MEIKIN: variants seen among roughly 807,000 people sequenced by gnomAD.
MEIKIN encodes the protein meiotic kinetochore factor, also known as meiosis-specific kinetochore protein.
At chr5:131,850,603 T>C (rs1350707311) in intron 11 of MEIKIN, among the ~76,000 whole-genome samples, 1 of 152,130 alleles carries the variant, frequency 6.6e-6, no homozygotes, top group East Asian at 1.9e-4. Context: ...CAAATGATGC[T>C]GAGAAAACTG....
intron 11 of MEIKIN, among the ~76,000 whole-genome samples, chr5:131,819,607 T>C (rs1395458254): frequency 6.6e-6 from 1 of 150,586 alleles, no homozygotes; most frequent in South Asian, 2.1e-4. Context: ...CCTTTTTTTT[T>C]TTTTTTTCTT....
rs868023173 is a variant in MEIKIN, at chr5:131,839,004, C to G, written c.975+12260G>C. ...TGTGTTCATTCAGTGCTATAAATTC[C>G]CTCTTAACACTGCCTTAGCCGTGTC... is the stretch of plus-strand genomic sequence containing the variant. On this transcript the variant is annotated intron_variant, in intron 11 of 12. Coordinates refer to ENST00000442687, the MANE Select transcript of MEIKIN (RefSeq NM_001303622.2). Among the ~76,000 whole-genome samples, 14 of 152,170 alleles carry G rather than the reference C, an allele frequency of 9.2e-5. No homozygotes were observed. The South Asian group carries it at 1.2e-3, about 14-fold the overall frequency.
At chr5:131,893,759 T>C (rs1750981893) in intron 8 of MEIKIN, among the ~76,000 whole-genome samples, 1 of 152,192 alleles carries the variant, frequency 6.6e-6, no homozygotes, top group Non-Finnish European at 1.5e-5. Context: ...TTAAGTTCCT[T>C]GCAGATTCAG....
intron 12 of MEIKIN, among the ~76,000 whole-genome samples, chr5:131,818,044 T>C (rs568252305): frequency 6.6e-6 from 1 of 152,330 alleles, no homozygotes; most frequent in South Asian, 2.1e-4. Context: ...ATTGAATTCC[T>C]CTCTACCACT....
chr5:131,824,104 G>C (rs1749567860), intron 11 of MEIKIN, among the ~76,000 whole-genome samples: 2 of 152,200 alleles, frequency 1.3e-5, no homozygotes, highest in Non-Finnish European at 2.9e-5. Flanking sequence ...GGACTAAGCT[G>C]GGTCAGACCT....
chr5:131,934,069 A>T (rs1235856424), intron 4 of MEIKIN, among the ~76,000 whole-genome samples: 1 of 151,922 alleles, frequency 6.6e-6, no homozygotes, highest in Non-Finnish European at 1.5e-5. Flanking sequence ...CTCCTGCCTC[A>T]GCCTCCCGAG....
chr5:131,894,617 C>A (rs1751001265), intron 8 of MEIKIN, among the ~76,000 whole-genome samples: 1 of 152,132 alleles, frequency 6.6e-6, no homozygotes, highest in Admixed American at 6.6e-5. Context: ...TCATTTGCAT[C>A]CCTTGTAAGT....
intron 8 of MEIKIN, among the ~76,000 whole-genome samples, chr5:131,899,632 A>G (rs1751121659): frequency 6.6e-6 from 1 of 152,150 alleles, no homozygotes; most frequent in South Asian, 2.1e-4. Context: ...CTGTAAATAA[A>G]GGGATGCAAA....
At chr5:131,847,733 A>G (rs1750043392) in intron 11 of MEIKIN, among the ~76,000 whole-genome samples, 1 of 152,086 alleles carries the variant, frequency 6.6e-6, no homozygotes, top group South Asian at 2.1e-4. Context: ...ATTCTTCTCA[A>G]GTGCACATGG....
At chr5:131,851,172 T>G (rs1261976379) in intron 11 of MEIKIN, 92 bp downstream of exon 11, 1 of 392,306 alleles carries the variant, frequency 2.5e-6, no homozygotes, top group Admixed American at 4.4e-5. Flanking sequence ...TCTCATGAGT[T>G]AAGAGATTTC....
At chr5:131,859,356 G>A (rs964559538) in intron 9 of MEIKIN, among the ~76,000 whole-genome samples, 33 of 152,174 alleles carry the variant, frequency 2.2e-4, no homozygotes, top group Non-Finnish European at 4.3e-4. Flanking sequence ...ATCTCATGTT[G>A]AATTGAAATC....
intron 8 of MEIKIN, among the ~76,000 whole-genome samples, chr5:131,899,878 G>A: frequency 6.6e-6 from 1 of 152,274 alleles, no homozygotes; most frequent in African/African-American, 2.4e-5. Flanking sequence ...GCTGGAGATT[G>A]CAACACTCCA....
chr5:131,906,585 A>G (rs1354932670), intron 8 of MEIKIN, among the ~76,000 whole-genome samples: 1 of 152,222 alleles, frequency 6.6e-6, no homozygotes, highest in Non-Finnish European at 1.5e-5. Context: ...TCACAGCATT[A>G]TTCACAATAG....
chr5:131,902,046 G>T (rs192952500), intron 8 of MEIKIN, among the ~76,000 whole-genome samples: 80 of 152,238 alleles, frequency 5.3e-4, no homozygotes, highest in African/African-American at 1.9e-3. Flanking sequence ...TCCTTTAAAA[G>T]TGTATAGTAC....
rs1258318988 is a variant in MEIKIN at position 131,851,382 on chromosome 5, A to G, written c.857T>C (p.Ile286Thr). 2.5e-6 allele frequency: 1 copy of G among 397,834 alleles called. No homozygotes were observed. Among genetic ancestry groups the G allele is most frequent in the African/African-American group, 2.1e-5 (1 of 48,584 alleles). The allele number at this position is 397,834 out of a possible 1,614,324, so 24.6% of individuals were successfully genotyped here. A position where few individuals can be genotyped will look rare whatever the true frequency, so the allele number is the denominator to read the frequency against. ...TPSSETAGFV[I>T]DLSSVQKASF... ...TGCTTTTTGCACTGAGGACAAATCAATCTATAAAAGAATACATTATTGTTT... is the reference window on the plus strand; with the variant it reads ...TGCTTTTTGCACTGAGGACAAATCAGTCTATAAAAGAATACATTATTGTTT... Residue 286 changes from isoleucine (I) to threonine (T), a missense_variant and splice_region_variant, in exon 11 of 13, where the codon ATT becomes ACT. Physicochemically the swap from Ile to Thr is moderately conservative, Grantham distance 89. Coordinates refer to ENST00000442687, the MANE Select transcript of MEIKIN (RefSeq NM_001303622.2).
chr5:131,923,401 CT>C (rs1203907118), intron 5 of MEIKIN, among the ~76,000 whole-genome samples: 1 of 151,874 alleles, frequency 6.6e-6, no homozygotes, highest in Non-Finnish European at 1.5e-5. Flanking sequence ...ATTTTCTTCC[CT>C]TTTTTCTGTT....
chr5:131,852,244 G>A (rs558226502), intron 10 of MEIKIN, among the ~76,000 whole-genome samples: 30 of 152,174 alleles, frequency 2.0e-4, no homozygotes, highest in Admixed American at 5.2e-4. Flanking sequence ...TCTGATGATA[G>A]TGAGTGAGTT....
At chr5:131,870,073 C>T (rs1750459310) in intron 9 of MEIKIN, among the ~76,000 whole-genome samples, 1 of 152,114 alleles carries the variant, frequency 6.6e-6, no homozygotes, top group South Asian at 2.1e-4. Context: ...TAAATTCCTT[C>T]CTAACACAAA....
intron 8 of MEIKIN, among the ~76,000 whole-genome samples, chr5:131,887,357 G>C (rs978902116): frequency 6.6e-6 from 1 of 152,200 alleles, no homozygotes; most frequent in Non-Finnish European, 1.5e-5. Flanking sequence ...TATATACCCA[G>C]TAAGGGGACC....
Sources: allele counts gnomAD v4.1 joint callset (sites outside exome capture counted in the v4.1 genomes callset), GRCh38; gene constraint gnomAD v4.1.1; transcripts MANE v1.5; gene names NCBI Gene and HGNC (gene_info 2026-07-23, HGNC 2026-07-21).